ABCA9: variants seen among roughly 807,000 people sequenced by gnomAD.
ABCA9 encodes the protein ATP-binding cassette sub-family A member 9.
In ABCA9, 183 loss-of-function variants were observed where a neutral mutation model predicts 205.3. That is an observed-to-expected ratio of 0.89 (90% CI 0.79 to 1.01). The LOEUF (loss-of-function observed/expected upper bound fraction) is 1.01, where lower values mean the gene tolerates loss of function less well. Ranked by LOEUF, ABCA9 falls within the 50% of genes least tolerant of loss-of-function variation. ABCA9 has a pLI of 0.00. For synonymous variants in ABCA9, 651 were observed against 683.3 expected, an observed-to-expected ratio of 0.95 and a Z score of 0.74; for missense variants, 1,805 against 1,912.4, an observed-to-expected ratio of 0.94 and a Z score of 1.05.
At chr17:69,062,728 G>A (rs183902815), upstream of ABCA9, among the ~76,000 whole-genome samples, 1 of 152,138 alleles carries the variant, frequency 6.6e-6, no homozygotes, top group Admixed American at 6.5e-5. Context: ...GGTCAAGCTG[G>A]TCTGGAACTC....
chr17:69,032,321 C>T, intron 9 of ABCA9, 45 bp from the exon 10 acceptor site: 1 of 1,570,454 alleles, frequency 6.4e-7, no homozygotes, highest in Non-Finnish European at 8.7e-7. Context: ...GTCATCGCTT[C>T]AAGGATTCCA....
At position 69,011,993 on chromosome 17, in the gene ABCA9, T is replaced by C. The variant is rs775004441; in HGVS notation, c.3130A>G (p.Ser1044Gly). The change falls in exon 23 of 39, where the codon AGC becomes GGC. Residue 1044 changes from serine to glycine, a missense_variant. Transcript: ENST00000340001. ...CTTCTTACTTTGTAGTCACCAATGCTGCTCATTGCAATGTATGGAGTGAAA... is the reference window on the plus strand; with the variant it reads ...CTTCTTACTTTGTAGTCACCAATGCCGCTCATTGCAATGTATGGAGTGAAA... ...ASFTPYIAMS[S>G]IGDYKKKAHS... 1 of 1,611,986 alleles carries C rather than the reference T, an allele frequency of 6.2e-7. No individual in the cohort carries two copies. Among genetic ancestry groups the C allele is most frequent in the Non-Finnish European group, 8.5e-7 (1 of 1,179,014 alleles).
chr17:68,984,174 G>A lies in ABCA9; in HGVS notation c.4381C>T (p.Gln1461Ter), dbSNP rs1567912943. 6.2e-7 allele frequency: 1 copy of A among 1,613,906 alleles called. No homozygotes were observed. The highest frequency in any genetic ancestry group is 1.7e-5 in the Admixed American group (1 of 59,944). ...TTTCTAAAGGTGGCCCGAATCACCT[G>A]CCTAAAGTTAAGTCAAGAGAAAACG... The part of the protein sequence containing the change: ...MDPEGQQQMW[Q>*]VIRATFRNTE... The change falls in exon 35 of 39, where the codon CAG (glutamine) becomes TAG (stop). Residue 1461 changes from glutamine (Q) to a stop codon, truncating the protein, a stop_gained and splice_region_variant. Transcript: ENST00000340001. LOFTEE classifies it high-confidence loss of function.
the ABCA9 span, among the ~76,000 whole-genome samples, chr17:69,072,561 C>A: frequency 1.1e-4 from 16 of 151,978 alleles, no homozygotes; most frequent in Non-Finnish European, 2.1e-4. Context: ...GATTTTGTCA[C>A]CACCAGGCCT....
upstream of ABCA9, among the ~76,000 whole-genome samples, chr17:69,063,789 G>T (rs1281022517): frequency 2.0e-5 from 3 of 152,130 alleles, no homozygotes; most frequent in East Asian, 5.8e-4. Flanking sequence ...AGCCAGGATG[G>T]TCTCGATCTC....
At chr17:69,043,254 G>C (rs1598406475) in intron 6 of ABCA9, 1 of 427,776 alleles carries the variant, frequency 2.3e-6, no homozygotes, top group East Asian at 4.0e-5. Context: ...TGGCTATTCT[G>C]ACAGGAGGTG....
Position 68,989,860 on chromosome 17 carries a change from C to T in ABCA9, c.3908G>A (p.Arg1303Lys), listed in dbSNP as rs776889492. 5.6e-6 allele frequency: 9 copies of T among 1,612,978 alleles called. No homozygotes were observed. Among genetic ancestry groups the T allele is most frequent in the Non-Finnish European group, 7.6e-6 (9 of 1,179,304 alleles). Residue 1303 changes from arginine (R) to lysine (K), a missense_variant, in exon 30 of 39, where the codon AGG becomes AAG. Coordinates refer to ENST00000340001, the MANE Select transcript of ABCA9 (RefSeq NM_080283.4). ...ATTTCTTGTGGCAATTTTTTTCTTC[C>T]TTTTAGAAAAGCAATTTTTCTTTTT... ...AGKKKNCFSK[R>K]KKKIATRNVS...
chr17:69,074,024 C>G, the ABCA9 span, among the ~76,000 whole-genome samples: 1 of 152,012 alleles, frequency 6.6e-6, no homozygotes, highest in African/African-American at 2.4e-5. Flanking sequence ...ATGCTATAAC[C>G]AGGTATTGTG....
rs1320979391 is a variant in ABCA9, at chr17:69,028,199, ACT to A, written c.1615+334_1615+335del. On this transcript the variant is annotated intron_variant, in intron 12 of 38. Coordinates refer to ENST00000340001, the MANE Select transcript of ABCA9 (RefSeq NM_080283.4). Reference sequence around the variant, plus strand: ...AATTTTTTTTTGGAGATGGAGTCTCACTCTGTCGCCAGGCTGGAGTGCTGTGG... The same window carrying A: ...AATTTTTTTTTGGAGATGGAGTCTCACTGTCGCCAGGCTGGAGTGCTGTGG... Among the ~76,000 whole-genome samples, 49 of 152,200 alleles carry A rather than the reference ACT, an allele frequency of 3.2e-4. 1 individual carries two copies. The highest frequency in any genetic ancestry group is 1.1e-3 in the African/African-American group (45 of 41,524).
chr17:69,070,243 A>G, the ABCA9 span, among the ~76,000 whole-genome samples: 4 of 152,216 alleles, frequency 2.6e-5, 1 homozygote, highest in African/African-American at 7.2e-5. Flanking sequence ...AGATTAAAGC[A>G]TAAATATAAA....
At position 69,018,422 on chromosome 17, in the gene ABCA9, T is replaced by C; in HGVS notation, c.2758A>G (p.Asn920Asp). The change falls in exon 20 of 39, where the codon AAT becomes GAT. Residue 920 changes from asparagine (N) to aspartate (D), a missense_variant. Transcript: ENST00000340001. ...QDPLTHLLVI[N>D]KTGSTIDNFL... ...TCAGCCCCATGTTCACCTGTCTTAT[T>C]GATGACCAGTAAATGGGTCAGAGGA... 1 of 1,572,158 alleles carries C rather than the reference T, an allele frequency of 6.4e-7. No homozygotes were observed.
At chr17:69,026,325 C>T in intron 16 of ABCA9, 52 bp downstream of exon 16, 5 of 1,425,898 alleles carry the variant, frequency 3.5e-6, no homozygotes, top group Non-Finnish European at 4.9e-6. Flanking sequence ...ATACCACCTG[C>T]CTCCAGCATT....
At position 69,013,918 on chromosome 17, in the gene ABCA9, C is replaced by CAAAG. The variant is rs200729087; in HGVS notation, c.3040-1839_3040-1836dup. 3.2e-3 allele frequency among the ~76,000 whole-genome samples: 480 copies of CAAAG among 152,218 alleles called. 4 individuals carry two copies. The highest frequency in any genetic ancestry group is 8.3e-3 in the East Asian group (43 of 5,182). ...GGTGGGGAAACCAGAGGTGGCAATT[C>CAAAG]AAAGAGATAATTTGTCTACCTATGA... is the stretch of plus-strand genomic sequence containing the variant. On this transcript the variant is annotated intron_variant, in intron 22 of 38. Transcript: ENST00000340001.
chr17:68,989,099 T>C lies in ABCA9; in HGVS notation c.3975A>G (p.Leu1325=). ...TACTTTTACCAGCTCCATTGTGTCC[T>C]AACAGTCCTATAACTTCACCTGAAA... ...CVKKGEVIGL[L]GHNGAGKSTT... is the part of the protein sequence containing the mutation. Residue 1325 remains leucine (L), a synonymous_variant, in exon 31 of 39, where the codon TTA becomes TTG. Coordinates refer to ENST00000340001, the MANE Select transcript of ABCA9 (RefSeq NM_080283.4). The C allele has an allele frequency of 6.2e-7, 1 of 1,612,096 alleles. No homozygotes were observed. The highest frequency in any genetic ancestry group is 8.5e-7 in the Non-Finnish European group (1 of 1,178,236).
intron 26 of ABCA9, among the ~76,000 whole-genome samples, chr17:68,994,482 G>A (rs1314252016): frequency 6.6e-6 from 1 of 152,122 alleles, no homozygotes; most frequent in Non-Finnish European, 1.5e-5. Context: ...TCTCTACTTT[G>A]CTGACTTCGC....
At chr17:69,071,794 C>T in the ABCA9 span, among the ~76,000 whole-genome samples, 2 of 152,122 alleles carry the variant, frequency 1.3e-5, no homozygotes, top group African/African-American at 4.8e-5. Flanking sequence ...TAACAAACTC[C>T]TTTGAGCTAA....
At chr17:68,985,786 G>A (rs1363583403) in intron 32 of ABCA9, among the ~76,000 whole-genome samples, 2 of 151,538 alleles carry the variant, frequency 1.3e-5, no homozygotes, top group African/African-American at 2.4e-5. Flanking sequence ...TTGAAACCCC[G>A]TCTCTACAAA....
rs1353827461 is a variant in ABCA9, at chr17:68,975,992, C to G, written c.4798G>C (p.Glu1600Gln). 1 of 1,613,598 alleles carries G rather than the reference C, an allele frequency of 6.2e-7. No homozygotes were observed. The highest frequency in any genetic ancestry group is 8.5e-7 in the Non-Finnish European group (1 of 1,179,878). ...LEQVFLELSK[E>Q]QELGDLEEDF... ...TCTTCAAGATCACCCAGCTCCTGCTCCTTGGAGAGCTCCAGGAAAACCTAA... is the reference window on the plus strand; with the variant it reads ...TCTTCAAGATCACCCAGCTCCTGCTGCTTGGAGAGCTCCAGGAAAACCTAA... The change falls in exon 39 of 39, where the codon GAG becomes CAG. Residue 1600 changes from glutamate to glutamine, a missense_variant. Physicochemically the swap from Glu to Gln is conservative, Grantham distance 29. Coordinates refer to ENST00000340001, the MANE Select transcript of ABCA9 (RefSeq NM_080283.4).
chr17:68,984,087 G>A lies in ABCA9; in HGVS notation c.4468C>T (p.Arg1490Ter), dbSNP rs1234058143. ...YMAEAEAVCD[R>*]VAIMVSGRLR... ...CTTCCTGACACCATGATGGCCACTC[G>A]GTCACACACCGCCTCAGCCTCTGCC... The change falls in exon 35 of 39, where the codon CGA (arginine) becomes TGA (stop). Residue 1490 changes from arginine (R) to a stop codon, truncating the protein, a stop_gained. Transcript: ENST00000340001. LOFTEE classifies it high-confidence loss of function. The A allele has an allele frequency of 8.7e-6, 14 of 1,614,066 alleles. No individual in the cohort carries two copies. Among genetic ancestry groups the A allele is most frequent in the East Asian group, 6.7e-5 (3 of 44,856 alleles).
Sources: allele counts gnomAD v4.1 joint callset (sites outside exome capture counted in the v4.1 genomes callset), GRCh38; gene constraint gnomAD v4.1.1; transcripts MANE v1.5; gene names NCBI Gene and HGNC (gene_info 2026-07-23, HGNC 2026-07-21).